The following DOCK2 variants were observed in gnomAD, a reference collection of about 807,000 sequenced individuals.
The protein encoded by DOCK2 is dedicator of cytokinesis 2.
Under a neutral mutation model 248.9 loss-of-function variants are expected in DOCK2, and 87 were observed. That is an observed-to-expected ratio of 0.35 (90% CI 0.29 to 0.42). The LOEUF (loss-of-function observed/expected upper bound fraction) is 0.42, where lower values mean the gene tolerates loss of function less well. DOCK2 is among the 10% of genes least tolerant of loss of function. DOCK2 has a pLI of 1.00. For synonymous variants in DOCK2, 805 were observed against 821.6 expected, an observed-to-expected ratio of 0.98 and a Z score of 0.35; for missense variants, 1,747 against 2,300.2, an observed-to-expected ratio of 0.76 and a Z score of 4.92.
intron 1 of DOCK2, among the ~76,000 whole-genome samples, chr5:169,649,992 C>T (rs759975002): frequency 9.2e-5 from 14 of 151,998 alleles, no homozygotes; most frequent in African/African-American, 1.5e-4. Flanking sequence ...TTAGTACAGT[C>T]GGGGTTTCAC....
chr5:169,906,333 G>A (rs1774277058), intron 27 of DOCK2, among the ~76,000 whole-genome samples: 1 of 152,176 alleles, frequency 6.6e-6, no homozygotes, highest in Non-Finnish European at 1.5e-5. Flanking sequence ...GCCAGTGTGT[G>A]CACATGGCCA....
At chr5:169,839,293 A>G (rs545163259) in intron 26 of DOCK2, among the ~76,000 whole-genome samples, 18 of 152,284 alleles carry the variant, frequency 1.2e-4, no homozygotes, top group African/African-American at 4.1e-4. Flanking sequence ...CCAGCAGAGG[A>G]CCCAGGCATG....
intron 26 of DOCK2, among the ~76,000 whole-genome samples, chr5:169,840,455 G>T (rs1046110551): frequency 1.3e-5 from 2 of 152,120 alleles, no homozygotes; most frequent in African/African-American, 4.8e-5. Context: ...ACTAATTATT[G>T]TCAGAGCTAG....
At chr5:169,780,670 G>T (rs1343210236) in intron 25 of DOCK2, among the ~76,000 whole-genome samples, 1 of 152,122 alleles carries the variant, frequency 6.6e-6, no homozygotes, top group Non-Finnish European at 1.5e-5. Flanking sequence ...CTGGCACTGG[G>T]ATAGGTGTTT....
At chr5:170,079,324 C>T in intron 49 of DOCK2, 178 bp downstream of exon 49, 1 of 834,356 alleles carries the variant, frequency 1.2e-6, no homozygotes, top group Non-Finnish European at 1.8e-6. Context: ...CGTGCCCAGG[C>T]AGCTGGGGTG....
intron 22 of DOCK2, among the ~76,000 whole-genome samples, chr5:169,720,301 A>G (rs1762128170): frequency 6.6e-6 from 1 of 152,228 alleles, no homozygotes. Flanking sequence ...CTTAAAAGTC[A>G]AGGATATCTT....
intron 34 of DOCK2, among the ~76,000 whole-genome samples, chr5:170,028,722 C>G (rs1197921029): frequency 6.7e-6 from 1 of 150,314 alleles, no homozygotes; most frequent in Non-Finnish European, 1.5e-5. Flanking sequence ...ACCTGCACCC[C>G]TTAGCCACTG....
At position 169,670,553 on chromosome 5, in the gene DOCK2, T is replaced by C. The variant is rs1323889043; in HGVS notation, c.180T>C (p.Pro60=). ...TTTGTTTCCAACAGGGCATTTTTCC[T>C]AAGTCATTTATCCACATCAAGGAAG... ...IKHKMLQGIF[P]KSFIHIKEVT... Residue 60 remains proline, a synonymous_variant, in exon 4 of 52, where the codon CCT becomes CCC. Coordinates refer to ENST00000520908, the MANE Select transcript of DOCK2 (RefSeq NM_004946.3). 1 of 1,613,834 alleles carries C rather than the reference T, an allele frequency of 6.2e-7. No homozygotes were observed. The highest frequency in any genetic ancestry group is 2.2e-5 in the East Asian group (1 of 44,882).
chr5:169,699,368 CTT>C lies in DOCK2; in HGVS notation c.1056-11_1056-10del, dbSNP rs1219978422. The C allele has an allele frequency of 6.2e-7, 1 of 1,612,032 alleles. No individual in the cohort carries two copies. Among genetic ancestry groups the C allele is most frequent in the African/African-American group, 1.3e-5 (1 of 74,898 alleles). On this transcript the variant is annotated splice_polypyrimidine_tract_variant and intron_variant, in intron 11 of 51. Transcript: ENST00000520908. ...ACACGATGTGGACATTTCATGCTCT[CTT>C]TTCCTTTCCAGGGTTACAGCTGAGA...
intron 35 of DOCK2, among the ~76,000 whole-genome samples, chr5:170,035,956 TA>T (rs1037067863): frequency 6.6e-6 from 1 of 152,228 alleles, no homozygotes; most frequent in Non-Finnish European, 1.5e-5. Context: ...GGGCAGCTAC[TA>T]ATCTAAATGG....
intron 27 of DOCK2, among the ~76,000 whole-genome samples, chr5:169,941,328 C>A (rs1426560640): frequency 6.6e-6 from 1 of 152,190 alleles, no homozygotes; most frequent in Non-Finnish European, 1.5e-5. Flanking sequence ...CTGTCTCAGC[C>A]GCCCAAGTAG....
intron 27 of DOCK2, among the ~76,000 whole-genome samples, chr5:169,848,403 C>A (rs981430737): frequency 1.3e-5 from 2 of 152,200 alleles, no homozygotes; most frequent in African/African-American, 4.8e-5. Context: ...AGATATTGTC[C>A]TGTCTCACAG....
intron 27 of DOCK2, chr5:169,884,090 T>C (rs1444088967): frequency 1.4e-5 from 6 of 433,440 alleles, no homozygotes; most frequent in Admixed American, 3.9e-5. Context: ...AGGAACTATC[T>C]GTAATGCTTT....
intron 34 of DOCK2, among the ~76,000 whole-genome samples, chr5:170,032,909 G>A (rs1296834533): frequency 6.6e-6 from 1 of 152,002 alleles, no homozygotes; most frequent in Non-Finnish European, 1.5e-5. Context: ...AAATCACGTG[G>A]CCTGCATAAT....
At chr5:170,033,557 T>C (rs986677317) in intron 34 of DOCK2, among the ~76,000 whole-genome samples, 1 of 152,186 alleles carries the variant, frequency 6.6e-6, no homozygotes, top group Non-Finnish European at 1.5e-5. Flanking sequence ...TGCACACACA[T>C]GCAGTGTTCG....
intron 26 of DOCK2, among the ~76,000 whole-genome samples, chr5:169,807,526 A>G (rs2113159691): frequency 6.6e-6 from 1 of 152,086 alleles, no homozygotes; most frequent in Admixed American, 6.5e-5. Context: ...AACCCTGTCC[A>G]GTCTATAAAA....
Position 169,798,145 on chromosome 5 carries a change from A to G in DOCK2, c.2555-4913A>G, listed in dbSNP as rs535796360. On this transcript the variant is annotated intron_variant, in intron 25 of 51. Transcript: ENST00000520908. Reference sequence around the variant, plus strand: ...CCTGGTCTGCAGCTCCCACAGCCTCAGTACTCTGTGAGCAAGGCAAACACC... The same window carrying G: ...CCTGGTCTGCAGCTCCCACAGCCTCGGTACTCTGTGAGCAAGGCAAACACC... 4.6e-5 allele frequency among the ~76,000 whole-genome samples: 7 copies of G among 152,340 alleles called. No homozygotes were observed. The East Asian group carries it at 1.2e-3, about 25-fold the overall frequency.
At chr5:169,953,142 C>G (rs1249680339) in intron 27 of DOCK2, among the ~76,000 whole-genome samples, 1 of 151,880 alleles carries the variant, frequency 6.6e-6, no homozygotes, top group Non-Finnish European at 1.5e-5. Flanking sequence ...GCCAACATGG[C>G]GAAACCCTGT....
intron 27 of DOCK2, among the ~76,000 whole-genome samples, chr5:169,977,693 T>C (rs1466161422): frequency 6.6e-6 from 1 of 152,184 alleles, no homozygotes; most frequent in East Asian, 1.9e-4. Context: ...GCCTTATCCA[T>C]CCTGCTCATT....
Sources: allele counts gnomAD v4.1 joint callset (sites outside exome capture counted in the v4.1 genomes callset), GRCh38; gene constraint gnomAD v4.1.1; transcripts MANE v1.5; gene names NCBI Gene and HGNC (gene_info 2026-07-23, HGNC 2026-07-21).